DCC: variants seen among roughly 807,000 people sequenced by gnomAD.
DCC encodes netrin receptor DCC.
DCC carries 58 observed loss-of-function variants against 172.5 expected under a neutral mutation model. The ratio of observed to expected loss-of-function variants is 0.34; its 90% CI spans 0.27 to 0.42. The LOEUF (loss-of-function observed/expected upper bound fraction) is 0.42. DCC is among the 10% of genes least tolerant of loss of function. The pLI, the probability that DCC is intolerant of heterozygous loss-of-function variation, is 1.00. For synonymous variants in DCC, 709 were observed against 644.5 expected, an observed-to-expected ratio of 1.10 and a Z score of -1.52; for missense variants, 1,740 against 1,791.0, an observed-to-expected ratio of 0.97 and a Z score of 0.51.
At chr18:53,351,495 G>GTA (rs10585229) in intron 15 of DCC, among the ~76,000 whole-genome samples, 877 of 79,696 alleles carry the variant, frequency 0.011, 34 homozygotes, top group Middle Eastern at 0.035. Context: ...TATATAGTGT[G>GTA]TATATATATA....
intron 1 of DCC, among the ~76,000 whole-genome samples, chr18:52,499,282 T>C (rs1285572673): frequency 6.6e-6 from 1 of 152,172 alleles, no homozygotes; most frequent in East Asian, 1.9e-4. Flanking sequence ...TCCCAGTTTG[T>C]TAAATGATTA....
intron 5 of DCC, among the ~76,000 whole-genome samples, chr18:53,020,080 ACTACAT>A (rs1303439329): frequency 1.2e-4 from 19 of 152,164 alleles, no homozygotes; most frequent in African/African-American, 4.6e-4. Flanking sequence ...TAGTTTCAAA[ACTACAT>A]CTACAACCCA....
chr18:52,353,062 G>A (rs1422376252), intron 1 of DCC, among the ~76,000 whole-genome samples: 1 of 152,162 alleles, frequency 6.6e-6, no homozygotes, highest in East Asian at 1.9e-4. Context: ...TACCACACTA[G>A]TTTTTCTTAG....
At chr18:52,841,646 G>A (rs1202920297) in intron 2 of DCC, among the ~76,000 whole-genome samples, 2 of 152,124 alleles carry the variant, frequency 1.3e-5, no homozygotes, top group Admixed American at 1.3e-4. Flanking sequence ...AAAAAAAATA[G>A]GTTCACTGGG....
rs2054757131 is a variant in DCC at position 53,157,367 on chromosome 18, T to C, written c.1273T>C (p.Ser425Pro). The part of the protein sequence containing the change: ...LIVPKPAIPS[S>P]SVLPSAPRDV... ...TTCTTTCTCCTTAGCTATCCCAAGCTCCAGTGTCCTCCCTTCGGCTCCCAG... is the reference window on the plus strand; with the variant it reads ...TTCTTTCTCCTTAGCTATCCCAAGCCCCAGTGTCCTCCCTTCGGCTCCCAG... Residue 425 changes from serine to proline, a missense_variant, in exon 8 of 29, where the codon TCC becomes CCC. Physicochemically the swap from Ser to Pro is moderately conservative, Grantham distance 74. This residue lies in a region of DCC where 1,732 missense variants were observed against 1,767.4 expected (regional missense o/e 0.98). Coordinates refer to ENST00000442544, the MANE Select transcript of DCC (RefSeq NM_005215.4). 6.2e-7 allele frequency: 1 copy of C among 1,614,070 alleles called. No individual in the cohort carries two copies. Among genetic ancestry groups the C allele is most frequent in the African/African-American group, 1.3e-5 (1 of 75,030 alleles).
At chr18:52,811,837 C>T (rs942745409) in intron 2 of DCC, among the ~76,000 whole-genome samples, 7 of 152,156 alleles carry the variant, frequency 4.6e-5, no homozygotes, top group Middle Eastern at 3.4e-3. Flanking sequence ...TTATCTTTAT[C>T]GTATCAAATA....
chr18:52,680,921 C>T (rs892843179), intron 1 of DCC, among the ~76,000 whole-genome samples: 3 of 151,970 alleles, frequency 2.0e-5, no homozygotes, highest in Admixed American at 6.6e-5. Flanking sequence ...TTGGTTAAAA[C>T]GCAGAAGAAA....
intron 2 of DCC, among the ~76,000 whole-genome samples, chr18:52,771,988 A>G (rs1407642838): frequency 2.0e-5 from 3 of 151,966 alleles, no homozygotes; most frequent in Non-Finnish European, 2.9e-5. Flanking sequence ...TAATATGTCT[A>G]TGGTTTCATG....
At chr18:52,599,000 G>A (rs1306786978) in intron 1 of DCC, among the ~76,000 whole-genome samples, 2 of 152,280 alleles carry the variant, frequency 1.3e-5, no homozygotes, top group South Asian at 2.1e-4. Flanking sequence ...GGCCCTCATA[G>A]CCTCATCACC....
At chr18:52,610,200 T>A (rs866435617) in intron 1 of DCC, among the ~76,000 whole-genome samples, 467 of 42,620 alleles carry the variant, frequency 0.011, 79 homozygotes, top group Non-Finnish European at 0.017. Flanking sequence ...TATATATATA[T>A]ATATATATAT....
chr18:52,890,063 T>G (rs1233432822), intron 2 of DCC, among the ~76,000 whole-genome samples: 1 of 152,194 alleles, frequency 6.6e-6, no homozygotes, highest in Non-Finnish European at 1.5e-5. Context: ...AAATAGCTGC[T>G]GATTTCCAAA....
intron 2 of DCC, among the ~76,000 whole-genome samples, chr18:52,783,271 A>C (rs1329224426): frequency 2.0e-5 from 3 of 147,122 alleles, no homozygotes; most frequent in Non-Finnish European, 4.5e-5. Flanking sequence ...AAACTCCTTG[A>C]ATACAGTAAG....
At chr18:52,439,935 A>G (rs1450460024) in intron 1 of DCC, among the ~76,000 whole-genome samples, 1 of 152,232 alleles carries the variant, frequency 6.6e-6, no homozygotes, top group African/African-American at 2.4e-5. Flanking sequence ...ATGAAAAGGT[A>G]TAAGGAAATA....
In DCC at chr18:53,011,819, A is replaced by T. The variant is rs1277291247; in HGVS notation, c.986-51486A>T. 2.0e-5 allele frequency among the ~76,000 whole-genome samples: 3 copies of T among 151,616 alleles called. No individual in the cohort carries two copies. In the South Asian group the frequency reaches 6.2e-4, roughly 31 times the overall value. Reference sequence around the variant, plus strand: ...ATATTAACCTATATGGCACAGGTTTATCCAGTCCTTCATCCGGTCACATAT... The same window carrying T: ...ATATTAACCTATATGGCACAGGTTTTTCCAGTCCTTCATCCGGTCACATAT... On this transcript the variant is annotated intron_variant, in intron 5 of 28. Coordinates refer to ENST00000442544, the MANE Select transcript of DCC (RefSeq NM_005215.4).
At chr18:53,390,907 T>C (rs1350979786) in intron 16 of DCC, among the ~76,000 whole-genome samples, 1 of 152,204 alleles carries the variant, frequency 6.6e-6, no homozygotes, top group Non-Finnish European at 1.5e-5. Context: ...AGCTAATTAC[T>C]CTGTGAGAAT....
chr18:53,528,061 C>T (rs570449009), intron 28 of DCC, among the ~76,000 whole-genome samples: 1 of 151,934 alleles, frequency 6.6e-6, no homozygotes, highest in Admixed American at 6.5e-5. Flanking sequence ...ATAACAATAT[C>T]AAGGAATAAG....
chr18:52,863,064 C>G (rs749380109), intron 2 of DCC, among the ~76,000 whole-genome samples: 6 of 151,982 alleles, frequency 3.9e-5, no homozygotes, highest in Non-Finnish European at 8.8e-5. Context: ...TACAATTTTT[C>G]CTATTTTCTT....
In DCC at chr18:52,666,937, T is replaced by C. The variant is rs139769348; in HGVS notation, c.92-85117T>C. Among the ~76,000 whole-genome samples, 729 of 152,350 alleles carry C rather than the reference T, an allele frequency of 4.8e-3. 6 individuals are homozygous for C. The highest frequency in any genetic ancestry group is 0.017 in the African/African-American group (703 of 41,584). Reference sequence around the variant, plus strand: ...TAAAATTATCTCATATAATTGTATATACATCTGTATATGTGTTTGTTGGTA... The same window carrying C: ...TAAAATTATCTCATATAATTGTATACACATCTGTATATGTGTTTGTTGGTA... On this transcript the variant is annotated intron_variant, in intron 1 of 28. Coordinates refer to ENST00000442544, the MANE Select transcript of DCC (RefSeq NM_005215.4).
At chr18:53,014,724 G>GA (rs1333364979) in intron 5 of DCC, among the ~76,000 whole-genome samples, 1 of 151,962 alleles carries the variant, frequency 6.6e-6, no homozygotes, top group Non-Finnish European at 1.5e-5. Context: ...CAAGTCTGAA[G>GA]AAAAAATCAT....
Sources: allele counts gnomAD v4.1 joint callset (sites outside exome capture counted in the v4.1 genomes callset), GRCh38; gene constraint gnomAD v4.1.1; regional missense constraint gnomAD v4.1.1; transcripts MANE v1.5; gene names NCBI Gene and HGNC (gene_info 2026-07-23, HGNC 2026-07-21).